The following MME variants were observed in gnomAD, a reference collection of about 807,000 sequenced individuals.
The protein encoded by MME is neprilysin.
Under a neutral mutation model 113.2 loss-of-function variants are expected in MME, and 98 were observed. That is an observed-to-expected ratio of 0.87 (90% CI 0.74 to 1.02). MME has a LOEUF of 1.02. Ranked by LOEUF, MME falls within the 50% of genes least tolerant of loss-of-function variation. The pLI, the probability that MME is intolerant of heterozygous loss-of-function variation, is 0.00. For missense variants in MME, 836 were observed against 896.0 expected (o/e 0.93, Z 0.86); for synonymous variants, 292 against 300.6 (o/e 0.97, Z 0.30).
chr3:155,130,834 A>G (rs1720090777), intron 8 of MME, among the ~76,000 whole-genome samples: 1 of 149,490 alleles, frequency 6.7e-6, no homozygotes, highest in Non-Finnish European at 1.5e-5. Flanking sequence ...GAGAAACTTA[A>G]TATATTTACA....
intron 3 of MME, among the ~76,000 whole-genome samples, chr3:155,099,007 G>T (rs1227499768): frequency 1.3e-5 from 2 of 152,116 alleles, no homozygotes; most frequent in Admixed American, 1.3e-4. Flanking sequence ...TTGACTGGCA[G>T]AAGCTTAAAT....
chr3:155,039,183 G>A (rs1713225193), intron 1 of MME, among the ~76,000 whole-genome samples: 1 of 152,178 alleles, frequency 6.6e-6, no homozygotes, highest in African/African-American at 2.4e-5. Flanking sequence ...ATTCGTAATG[G>A]TGGAATAAGG....
chr3:155,176,726 T>G (rs1396670058), intron 22 of MME, among the ~76,000 whole-genome samples: 1 of 152,160 alleles, frequency 6.6e-6, no homozygotes, highest in Admixed American at 6.5e-5. Flanking sequence ...CTTGGGAGGC[T>G]GAGGCAGGAG....
At chr3:155,079,345 G>A (rs575183945), upstream of MME, among the ~76,000 whole-genome samples, 1 of 152,100 alleles carries the variant, frequency 6.6e-6, no homozygotes, top group Non-Finnish European at 1.5e-5. Flanking sequence ...GTCCACAGGG[G>A]AGAGATGGAG....
intron 17 of MME, 37 bp from the exon 18 acceptor site, chr3:155,166,865 G>A (rs1194325500): frequency 1.2e-6 from 2 of 1,613,076 alleles, no homozygotes; most frequent in Non-Finnish European, 1.7e-6. Flanking sequence ...AAAAACTTAT[G>A]CCACAAATAA....
chr3:155,109,225 C>T (rs1165426578), intron 3 of MME, among the ~76,000 whole-genome samples: 2 of 151,880 alleles, frequency 1.3e-5, no homozygotes, highest in Non-Finnish European at 2.9e-5. Flanking sequence ...GGGTGAAATT[C>T]AAGAGACCTG....
At chr3:155,027,240 C>T (rs1712816866) in intron 1 of MME, among the ~76,000 whole-genome samples, 1 of 152,154 alleles carries the variant, frequency 6.6e-6, no homozygotes, top group Non-Finnish European at 1.5e-5. Flanking sequence ...GATTCCTGCT[C>T]TAATCTCTCA....
In MME at chr3:155,115,080, A is replaced by G; in HGVS notation, c.283A>G (p.Asn95Asp). The G allele has an allele frequency of 6.2e-7, 1 of 1,614,122 alleles. No homozygotes were observed. The change falls in exon 4 of 23, where the codon AAT (asparagine) becomes GAT (aspartate). Residue 95 changes from asparagine (N) to aspartate (D), a missense_variant. Asn to Asp is a conservative substitution (Grantham distance 23). Transcript: ENST00000360490. ...TGCTTGCGGAGGCTGGTTGAAACGT[A>G]ATGTCATTCCCGAGACCAGCTCCCG... ...KYACGGWLKR[N>D]VIPETSSRYG...
chr3:155,171,475 T>C (rs1226283696), intron 20 of MME, among the ~76,000 whole-genome samples: 3 of 152,224 alleles, frequency 2.0e-5, no homozygotes. Flanking sequence ...AGAGGAAAAC[T>C]CATTTTTTTC....
At position 155,141,967 on chromosome 3, in the gene MME, T is replaced by C. The variant is rs368326007; in HGVS notation, c.958-24T>C. ...AGAAGAGAAATCCACAATTTCTGAATGTTTCATGCCTGCTTTTTTCCAGCC... is the reference window on the plus strand; with the variant it reads ...AGAAGAGAAATCCACAATTTCTGAACGTTTCATGCCTGCTTTTTTCCAGCC... On this transcript the variant is annotated intron_variant, in intron 10 of 22. Transcript: ENST00000360490. The C allele has an allele frequency of 2.5e-6, 4 of 1,613,198 alleles. No individual in the cohort carries two copies. In the African/African-American group the frequency reaches 4.0e-5, roughly 16 times the overall value.
chr3:155,124,376 A>C (rs1459726773), intron 8 of MME, among the ~76,000 whole-genome samples: 1 of 151,980 alleles, frequency 6.6e-6, no homozygotes, highest in African/African-American at 2.4e-5. Context: ...GTCCTCCTGT[A>C]GCTCAGAGTA....
intron 3 of MME, among the ~76,000 whole-genome samples, chr3:155,093,847 C>A (rs1325127218): frequency 9.4e-5 from 13 of 137,676 alleles, no homozygotes; most frequent in Non-Finnish European, 1.7e-4. Flanking sequence ...CAGAGTGAGA[C>A]TCTGTCTAAA....
chr3:155,040,475 A>G (rs1434078933), intron 1 of MME, among the ~76,000 whole-genome samples: 3 of 152,094 alleles, frequency 2.0e-5, no homozygotes, highest in Admixed American at 6.6e-5. Flanking sequence ...ATACATACAT[A>G]AATACACGCA....
At position 155,093,746 on chromosome 3, in the gene MME, C is replaced by T. The variant is rs561016997; in HGVS notation, c.196+8652C>T. Among the ~76,000 whole-genome samples, 6 of 151,672 alleles carry T rather than the reference C, an allele frequency of 4.0e-5. No homozygotes were observed. In the South Asian group the frequency reaches 1.2e-3, roughly 32 times the overall value. On this transcript the variant is annotated intron_variant, in intron 3 of 22. Transcript: ENST00000360490. ...TGGTGGACGCCTGTAATTCCAGCTA[C>T]TCGGGAGGCTGAGGCACAAGAATTG...
chr3:155,085,258 GATTA>G, intron 3 of MME, 164 bp downstream of exon 3: 3 of 510,780 alleles, frequency 5.9e-6, no homozygotes, highest in Non-Finnish European at 1.0e-5. Flanking sequence ...TTAAGTAGTA[GATTA>G]ATTAACTTGT....
At position 155,168,897 on chromosome 3, in the gene MME, G is replaced by A; in HGVS notation, c.1980+100G>A. 4 of 995,802 alleles carry A rather than the reference G, an allele frequency of 4.0e-6. No homozygotes were observed. In the South Asian group the frequency reaches 5.9e-5, roughly 15 times the overall value. 61.7% of individuals were successfully genotyped at this position (995,802 alleles called of 1,614,324 possible). ...TTTGCAAAAAAAGAAACTCATATAA[G>A]CAGTAAATGATGAATAGAAAATGGA... On this transcript the variant is annotated intron_variant, in intron 20 of 22. Transcript: ENST00000360490.
intron 3 of MME, among the ~76,000 whole-genome samples, chr3:155,105,928 G>A (rs1717646610): frequency 1.3e-5 from 2 of 152,086 alleles, no homozygotes; most frequent in Non-Finnish European, 2.9e-5. Flanking sequence ...ATCTGATAGT[G>A]AATTTATCTG....
chr3:155,141,955 A>C, intron 10 of MME, 36 bp from the exon 11 acceptor site: 4 of 1,612,362 alleles, frequency 2.5e-6, no homozygotes, highest in Non-Finnish European at 3.4e-6. Context: ...AGAGAAATCC[A>C]CAATTTCTGA....
rs1713248047 is a variant in MME at position 155,183,013 on chromosome 3, G to A, written c.*2554G>A. The A allele has an allele frequency of 6.6e-6, 1 of 152,154 alleles. No individual in the cohort carries two copies. Among genetic ancestry groups the A allele is most frequent in the Non-Finnish European group, 1.5e-5 (1 of 68,040 alleles). 9.4% of individuals were successfully genotyped at this position (152,154 alleles called of 1,614,324 possible). ...CCAGTTCTACTATGGCTGAGTTCTG[G>A]TCAAAGAAAGAAAGTTTAGAAGCTG... On this transcript the variant is annotated 3_prime_UTR_variant, in exon 23 of 23. Coordinates refer to ENST00000360490, the MANE Select transcript of MME (RefSeq NM_007289.4).
Sources: allele counts gnomAD v4.1 joint callset (sites outside exome capture counted in the v4.1 genomes callset), GRCh38; gene constraint gnomAD v4.1.1; transcripts MANE v1.5; gene names NCBI Gene and HGNC (gene_info 2026-07-23, HGNC 2026-07-21).